The following GLUD1 variants were observed in gnomAD, a reference collection of about 807,000 sequenced individuals.
The protein encoded by GLUD1 is glutamate dehydrogenase 1.
In GLUD1, 22 loss-of-function variants were observed where a neutral mutation model predicts 56.0. The ratio of observed to expected loss-of-function variants is 0.39; its 90% CI spans 0.28 to 0.56. GLUD1 has a LOEUF of 0.56. GLUD1 is among the 20% of genes least tolerant of loss of function. The probability of loss-of-function intolerance (pLI) is 0.58; values close to 1 mark genes in which losing one functional copy is unlikely to be tolerated. For missense variants in GLUD1, 451 were observed against 732.0 expected (o/e 0.62, Z 4.43); for synonymous variants, 223 against 269.9 (o/e 0.83, Z 1.70).
intron 1 of GLUD1, among the ~76,000 whole-genome samples, chr10:87,079,881 A>C (rs1220567167): frequency 6.6e-6 from 1 of 150,426 alleles, no homozygotes; most frequent in Admixed American, 6.6e-5. Flanking sequence ...TTAATTAAGA[A>C]CTAGTGCTCT....
chr10:87,088,014 G>A (rs1841424234), intron 1 of GLUD1, among the ~76,000 whole-genome samples: 1 of 152,112 alleles, frequency 6.6e-6, no homozygotes, highest in Non-Finnish European at 1.5e-5. Flanking sequence ...CTGGTAAGCA[G>A]AGGTTGTAGT....
chr10:87,084,283 G>A (rs1212451437), intron 1 of GLUD1, among the ~76,000 whole-genome samples: 1 of 152,206 alleles, frequency 6.6e-6, no homozygotes. Flanking sequence ...TGTTTCCAAA[G>A]AATATTAGTG....
chr10:87,052,177 C>T (rs1845649722), intron 12 of GLUD1, among the ~76,000 whole-genome samples: 1 of 152,146 alleles, frequency 6.6e-6, no homozygotes, highest in Admixed American at 6.5e-5. Flanking sequence ...TGGTAAAACC[C>T]TGTCTCTACT....
At chr10:87,061,335 C>T in intron 6 of GLUD1, 1 of 529,028 alleles carries the variant, frequency 1.9e-6, no homozygotes, top group Non-Finnish European at 3.6e-6. Flanking sequence ...CAGCCATGGC[C>T]AACATGGTGA....
intron 4 of GLUD1, among the ~76,000 whole-genome samples, chr10:87,069,205 A>C (rs1846155647): frequency 6.6e-6 from 1 of 152,072 alleles, no homozygotes; most frequent in African/African-American, 2.4e-5. Context: ...CAAAACGAAA[A>C]ACGCAACTTA....
At chr10:87,082,817 G>A (rs1399316117) in intron 1 of GLUD1, among the ~76,000 whole-genome samples, 1 of 152,142 alleles carries the variant, frequency 6.6e-6, no homozygotes, top group Non-Finnish European at 1.5e-5. Flanking sequence ...TCTCCAATAA[G>A]ACACAATGTA....
chr10:87,060,290 C>A, intron 8 of GLUD1, 49 bp from the exon 9 acceptor site: 1 of 1,206,204 alleles, frequency 8.3e-7, no homozygotes, highest in Non-Finnish European at 1.2e-6. Context: ...ACCGTCAAAT[C>A]CCCTCCACTG....
rs2133799164 is a variant in GLUD1 at position 87,062,172 on chromosome 10, C to A, written c.921+484G>T. On this transcript the variant is annotated intron_variant, in intron 6 of 12. Coordinates refer to ENST00000277865, the MANE Select transcript of GLUD1 (RefSeq NM_005271.5). ...GCCTCAAGTGATCCACCCGTCTTGGCCTCCCAAAGTGCTGGGAATACAGGC... is the reference window on the plus strand; with the variant it reads ...GCCTCAAGTGATCCACCCGTCTTGGACTCCCAAAGTGCTGGGAATACAGGC... Among the ~76,000 whole-genome samples the A allele has an allele frequency of 1.3e-5, 2 of 152,346 alleles. 1 individual carries two copies. The highest frequency in any genetic ancestry group is 1.3e-4 in the Admixed American group (2 of 15,308).
At chr10:87,069,796 T>C (rs1422786679) in intron 4 of GLUD1, among the ~76,000 whole-genome samples, 1 of 152,140 alleles carries the variant, frequency 6.6e-6, no homozygotes, top group Non-Finnish European at 1.5e-5. Context: ...CCACCTAATC[T>C]GTAACTCTAT....
chr10:87,058,294 T>C (rs141953553), intron 10 of GLUD1, among the ~76,000 whole-genome samples: 1 of 152,274 alleles, frequency 6.6e-6, no homozygotes, highest in East Asian at 1.9e-4. Context: ...ATAACACCCA[T>C]TACCAGGGTT....
intron 1 of GLUD1, among the ~76,000 whole-genome samples, chr10:87,086,832 GA>G (rs367807316): frequency 0.012 from 856 of 70,470 alleles, 1 homozygote; most frequent in African/African-American, 0.021. Flanking sequence ...CCGTCTCAAA[GA>G]AAAAAAAAAA....
At position 87,063,569 on chromosome 10, in the gene GLUD1, TG is replaced by T. The variant is rs1767348315; in HGVS notation, c.742-735del. On this transcript the variant is annotated intron_variant, in intron 5 of 12. Transcript: ENST00000277865. ...TAAAATCTACTATAAGACTTGAGCA[TG>T]TCACCAAAACAGAGCCTGAGACAGG... Among the ~76,000 whole-genome samples the T allele has an allele frequency of 4.6e-5, 7 of 152,202 alleles. No homozygotes were observed. The South Asian group carries it at 1.4e-3, about 32-fold the overall frequency.
At chr10:87,070,024 G>C (rs1274268271) in intron 4 of GLUD1, among the ~76,000 whole-genome samples, 2 of 152,228 alleles carry the variant, frequency 1.3e-5, no homozygotes, top group African/African-American at 2.4e-5. Context: ...ACCTCTGCTG[G>C]AGGTCAGCAC....
chr10:87,060,605 G>T, intron 8 of GLUD1, 83 bp downstream of exon 8: 1 of 1,544,776 alleles, frequency 6.5e-7, no homozygotes, highest in Non-Finnish European at 8.9e-7. Context: ...AAAAGAAAGA[G>T]AAAACTCAAT....
chr10:87,085,022 G>A (rs1180082849), intron 1 of GLUD1, among the ~76,000 whole-genome samples: 2 of 152,206 alleles, frequency 1.3e-5, no homozygotes, highest in African/African-American at 4.8e-5. Context: ...AGCATGGGAA[G>A]GAGCACTGCA....
intron 1 of GLUD1, among the ~76,000 whole-genome samples, chr10:87,077,589 C>T (rs1345733197): frequency 6.7e-6 from 1 of 150,090 alleles, no homozygotes; most frequent in Non-Finnish European, 1.5e-5. Flanking sequence ...GTAGCCATTA[C>T]GTGTTGGTAC....
At chr10:87,056,810 T>C (rs932030315) in intron 11 of GLUD1, among the ~76,000 whole-genome samples, 13 of 152,180 alleles carry the variant, frequency 8.5e-5, no homozygotes, top group African/African-American at 2.2e-4. Context: ...ATAAGATCCA[T>C]TGTTTTTGTT....
rs187740917 is a variant in GLUD1, at chr10:87,087,759, C to T, written c.445+6566G>A. Among the ~76,000 whole-genome samples, 22 of 152,320 alleles carry T rather than the reference C, an allele frequency of 1.4e-4. No individual in the cohort carries two copies. In the East Asian group the frequency reaches 4.2e-3, roughly 29 times the overall value. ...TATCTGAAATGGCCTTATCCAACTC[C>T]TATCCAGCCTTCTCTGTTCCCACAT... is the stretch of plus-strand genomic sequence containing the variant. On this transcript the variant is annotated intron_variant, in intron 1 of 12. Transcript: ENST00000277865.
chr10:87,079,982 T>C (rs1841168868), intron 1 of GLUD1, among the ~76,000 whole-genome samples: 1 of 139,874 alleles, frequency 7.1e-6, no homozygotes. Flanking sequence ...CTCCCTCTGA[T>C]GCCGAGCGGA....
Sources: gnomAD v4.1 joint callset for allele counts (sites outside exome capture counted in the v4.1 genomes callset) on GRCh38, gnomAD v4.1.1 for gene constraint, MANE v1.5 for transcripts, NCBI Gene and HGNC (gene_info 2026-07-23, HGNC 2026-07-21) for gene names.